The following ARFGAP1 variants were observed in gnomAD, a reference collection of about 807,000 sequenced individuals.
ARFGAP1 encodes ADP-ribosylation factor GTPase-activating protein 1.
Under a neutral mutation model 54.0 loss-of-function variants are expected in ARFGAP1, and 26 were observed. The observed-to-expected ratio is 0.48, with a 90% CI of 0.35 to 0.67. The LOEUF is 0.67. Among genes scored for constraint, ARFGAP1 ranks in the 30% least tolerant of loss-of-function variants. The pLI, the probability that ARFGAP1 is intolerant of heterozygous loss-of-function variation, is 0.00. For missense variants in ARFGAP1, 525 were observed against 535.8 expected (o/e 0.98, Z 0.20); for synonymous variants, 248 against 211.9 (o/e 1.17, Z -1.48).
At position 63,285,719 on chromosome 20, in the gene ARFGAP1, G is replaced by T. The variant is rs566543951; in HGVS notation, c.834+6G>T. ...TCTCTCAGTTGGCGTCCAAGGTAGG[G>T]AGCCTGCCAGATACGCGGGCACAGT... On this transcript the variant is annotated splice_donor_region_variant and intron_variant, in intron 11 of 12. Coordinates refer to ENST00000370283, the MANE Select transcript of ARFGAP1 (RefSeq NM_018209.4). 1 of 1,613,158 alleles carries T rather than the reference G, an allele frequency of 6.2e-7. No individual in the cohort carries two copies. The highest frequency in any genetic ancestry group is 2.2e-5 in the East Asian group (1 of 44,880).
Position 63,276,801 on chromosome 20 carries a change from G to A in ARFGAP1, c.342+150G>A. 1 of 930,084 alleles carries A rather than the reference G, an allele frequency of 1.1e-6. No homozygotes were observed. The highest frequency in any genetic ancestry group is 1.6e-6 in the Non-Finnish European group (1 of 641,952). The allele number at this position is 930,084 out of a possible 1,614,324, so 57.6% of individuals were successfully genotyped here. A position where few individuals can be genotyped will look rare whatever the true frequency, so the allele number is the denominator to read the frequency against. On this transcript the variant is annotated intron_variant, in intron 4 of 12. Coordinates refer to ENST00000370283, the MANE Select transcript of ARFGAP1 (RefSeq NM_018209.4). The surrounding 1 kb of genome is among the most constrained non-coding windows in gnomAD (Gnocchi z 5.2). Reference sequence around the variant, plus strand: ...GCCACACACAACTTGCCGCCCTGGAGCAGAGGCTTCCTGCCCAGAGGGGAG... The same window carrying A: ...GCCACACACAACTTGCCGCCCTGGAACAGAGGCTTCCTGCCCAGAGGGGAG...
chr20:63,284,993 TAGG>T, intron 10 of ARFGAP1, 71 bp downstream of exon 10: 3 of 1,564,446 alleles, frequency 1.9e-6, no homozygotes, highest in East Asian at 2.3e-5. Context: ...TCAGGGGTGT[TAGG>T]GGGATTGTTT....
chr20:63,280,742 C>T (rs976906320), intron 7 of ARFGAP1, among the ~76,000 whole-genome samples: 4 of 152,230 alleles, frequency 2.6e-5, no homozygotes, highest in African/African-American at 9.6e-5. Flanking sequence ...AAGCTGCTCT[C>T]TGGGGAAGGC....
At chr20:63,278,297 G>A (rs1366879420) in intron 6 of ARFGAP1, 94 bp downstream of exon 6, 18 of 1,334,254 alleles carry the variant, frequency 1.3e-5, no homozygotes, top group Non-Finnish European at 1.7e-5. Context: ...CCTCCCATGT[G>A]CAGTGGGTGT....
At chr20:63,273,519 G>A (rs527387742) in intron 1 of ARFGAP1, 49 of 152,380 alleles carry the variant, frequency 3.2e-4, no homozygotes, top group Non-Finnish European at 6.5e-4. Flanking sequence ...AGGTTAGGAG[G>A]TATTTGCTTT....
At chr20:63,275,197 A>G (rs1014135378) in intron 1 of ARFGAP1, among the ~76,000 whole-genome samples, 28 of 152,154 alleles carry the variant, frequency 1.8e-4, no homozygotes, top group African/African-American at 6.3e-4. Flanking sequence ...TGGAAAATCG[A>G]ATTTTGCAGC....
Position 63,284,255 on chromosome 20 carries a change from T to C in ARFGAP1, c.718-611T>C, listed in dbSNP as rs373542472. The C allele has an allele frequency of 2.1e-4, 244 of 1,161,354 alleles. 1 individual carries two copies. The South Asian group carries it at 6.3e-3, about 30-fold the overall frequency. 71.9% of individuals were successfully genotyped at this position (1,161,354 alleles called of 1,614,324 possible). On this transcript the variant is annotated intron_variant, in intron 9 of 12. Coordinates refer to ENST00000370283, the MANE Select transcript of ARFGAP1 (RefSeq NM_018209.4). Reference sequence around the variant, plus strand: ...GCCACCTGCGCTCCCTTGAACGCAGTGCAAAGGGGAGGATCTTTGCTCTGT... The same window carrying C: ...GCCACCTGCGCTCCCTTGAACGCAGCGCAAAGGGGAGGATCTTTGCTCTGT...
intron 8 of ARFGAP1, 120 bp from the exon 9 acceptor site, chr20:63,282,699 C>A: frequency 1.0e-6 from 1 of 985,384 alleles, no homozygotes; most frequent in Non-Finnish European, 1.6e-6. Flanking sequence ...CCGCCCAGAG[C>A]CGCTGGCAGC....
In ARFGAP1 at chr20:63,285,014, A is replaced by G. The variant is rs943051840; in HGVS notation, c.774+92A>G. The G allele has an allele frequency of 2.7e-6, 4 of 1,481,574 alleles. No individual in the cohort carries two copies. The African/African-American group carries it at 4.2e-5, about 15-fold the overall frequency. 91.8% of individuals were successfully genotyped at this position (1,481,574 alleles called of 1,614,324 possible). ...GTGTTAGGGGGATTGTTTGTCCAGCAGCTGGGACTCAGCGAGGCCAAGCCT... is the reference window on the plus strand; with the variant it reads ...GTGTTAGGGGGATTGTTTGTCCAGCGGCTGGGACTCAGCGAGGCCAAGCCT... On this transcript the variant is annotated intron_variant, in intron 10 of 12. Coordinates refer to ENST00000370283, the MANE Select transcript of ARFGAP1 (RefSeq NM_018209.4).
At position 63,278,325 on chromosome 20, in the gene ARFGAP1, G is replaced by A. The variant is rs554685410; in HGVS notation, c.530+122G>A. On this transcript the variant is annotated intron_variant, in intron 6 of 12. Transcript: ENST00000370283. ...GTGGGTGTGGGACCCAGGCATGCGC[G>A]GTGCAGGGTCTGATTGCAGTGAGTC... The A allele has an allele frequency of 7.3e-5, 72 of 991,632 alleles. 1 individual carries two copies. In the African/African-American group the frequency reaches 7.7e-4, roughly 11 times the overall value. 61.4% of individuals were successfully genotyped at this position (991,632 alleles called of 1,614,324 possible).
chr20:63,284,821 C>G, intron 9 of ARFGAP1, 45 bp from the exon 10 acceptor site: 1 of 1,608,986 alleles, frequency 6.2e-7, no homozygotes, highest in Non-Finnish European at 8.5e-7. Flanking sequence ...ACCCGTGTCC[C>G]GTGGTGGAGC....
intron 7 of ARFGAP1, 73 bp from the exon 8 acceptor site, chr20:63,281,218 C>CTGAGAT: frequency 1.3e-6 from 2 of 1,494,296 alleles, no homozygotes; most frequent in Non-Finnish European, 9.1e-7. Context: ...CTCTTCCTTG[C>CTGAGAT]TGAGATACTC....
chr20:63,285,838 T>G, intron 11 of ARFGAP1, 125 bp downstream of exon 11: 1 of 1,479,176 alleles, frequency 6.8e-7, no homozygotes, highest in Non-Finnish European at 9.3e-7. Context: ...CGCTGTCCTC[T>G]GAGACGGGAG....
At position 63,286,419 on chromosome 20, in the gene ARFGAP1, G is replaced by A. The variant is rs1424808128; in HGVS notation, c.888G>A (p.Gly296=). Residue 296 remains glycine, a synonymous_variant, in exon 12 of 13, where the codon GGG becomes GGA. Transcript: ENST00000370283. ...GWRDVTTFFS[G]KAEGPLDSPS... ...GGGACGTCACCACCTTTTTTTCGGG[G>A]AAAGCAGAGGGCCCCTTGGACAGGT... is the stretch of plus-strand genomic sequence containing the variant. 1.9e-6 allele frequency: 3 copies of A among 1,613,484 alleles called. No homozygotes were observed.
chr20:63,283,909 G>A (rs376337334), intron 9 of ARFGAP1: 146 of 1,612,000 alleles, frequency 9.1e-5, no homozygotes, highest in Non-Finnish European at 1.1e-4. Context: ...CGTGCATGCC[G>A]CCCGCATCTC....
Position 63,287,790 on chromosome 20 carries a change from G to T in ARFGAP1, c.1138G>T (p.Gly380Cys). 2 of 1,594,920 alleles carry T rather than the reference G, an allele frequency of 1.3e-6. No homozygotes were observed. Among genetic ancestry groups the T allele is most frequent in the Non-Finnish European group, 8.5e-7 (1 of 1,171,516 alleles). ...CACCAACAGGAACAGCAACAGCGAC[G>T]GCGGGGAGGGCGGGGAGGGCACCAA... ...ASTNRNSNSD[G>C]GEGGEGTKKA... Residue 380 changes from glycine (G) to cysteine (C), a missense_variant, in exon 13 of 13, where the codon GGC becomes TGC. Around this residue, in one of 3 missense-constraint regions of ARFGAP1, gnomAD observed 466 missense variants for 453.6 expected, o/e 1.03. Coordinates refer to ENST00000370283, the MANE Select transcript of ARFGAP1 (RefSeq NM_018209.4).
At position 63,282,011 on chromosome 20, in the gene ARFGAP1, G is replaced by A. The variant is rs547294222; in HGVS notation, c.684+664G>A. Among the ~76,000 whole-genome samples the A allele has an allele frequency of 5.9e-4, 90 of 152,132 alleles. No individual in the cohort carries two copies. The South Asian group carries it at 7.7e-3, about 13-fold the overall frequency. On this transcript the variant is annotated intron_variant, in intron 8 of 12. Transcript: ENST00000370283. ...CGGTGCGCACCTGTCAGATGTCCCC[G>A]TGGTCACCCTGGCCCCGTGTCTTCC...
At position 63,275,956 on chromosome 20, in the gene ARFGAP1, G is replaced by A. The variant is rs1404272774; in HGVS notation, c.61-135G>A. ...TTACACGGAGGCTCTTTCCCCTCACGCCTTGCCCTGACCCACACCCCCGGC... is the reference window on the plus strand; with the variant it reads ...TTACACGGAGGCTCTTTCCCCTCACACCTTGCCCTGACCCACACCCCCGGC... On this transcript the variant is annotated intron_variant, in intron 2 of 12. Transcript: ENST00000370283. The A allele has an allele frequency of 1.5e-5, 11 of 757,888 alleles. No individual in the cohort carries two copies. The Admixed American group carries it at 1.6e-4, about 11-fold the overall frequency. 46.9% of individuals were successfully genotyped at this position (757,888 alleles called of 1,614,324 possible). A position where few individuals can be genotyped will look rare whatever the true frequency, so the allele number is the denominator to read the frequency against.
At chr20:63,279,501 C>T (rs371276896) in intron 7 of ARFGAP1, among the ~76,000 whole-genome samples, 84 of 152,252 alleles carry the variant, frequency 5.5e-4, no homozygotes, top group African/African-American at 1.9e-3. Context: ...CCACCGTGCC[C>T]GGCCATCACT....
Sources: allele counts gnomAD v4.1 joint callset (sites outside exome capture counted in the v4.1 genomes callset), GRCh38; gene constraint gnomAD v4.1.1; regional missense constraint gnomAD v4.1.1; non-coding constraint Gnocchi (gnomAD v3.1); transcripts MANE v1.5; gene names NCBI Gene and HGNC (gene_info 2026-07-23, HGNC 2026-07-21).